The following COL4A2 variants were observed in gnomAD, a reference collection of about 807,000 sequenced individuals.
COL4A2 encodes the protein collagen alpha-2(IV) chain.
A neutral mutation model predicts 200.2 loss-of-function variants in COL4A2; 99 were observed. The ratio of observed to expected loss-of-function variants is 0.49; its 90% CI spans 0.42 to 0.58. The LOEUF is 0.58. Among genes scored for constraint, COL4A2 ranks in the 20% least tolerant of loss-of-function variants. The probability of loss-of-function intolerance (pLI) is 0.00; values close to 1 mark genes in which losing one functional copy is unlikely to be tolerated. For missense variants in COL4A2, 1,950 were observed against 2,314.1 expected (o/e 0.84, Z 3.23); for synonymous variants, 897 against 900.6 (o/e 1.00, Z 0.07).
Position 110,495,344 on chromosome 13 carries a change from T to G in COL4A2, c.3637T>G (p.Ser1213Ala), listed in dbSNP as rs750573579. The change falls in exon 40 of 48, where the codon TCT (serine) becomes GCT (alanine). Residue 1213 changes from serine to alanine, a missense_variant and splice_region_variant. This residue lies in a region of COL4A2 where 1,385 missense variants were observed against 1,720.5 expected (regional missense o/e 0.80). Transcript: ENST00000360467. ...GTKGFPGSPGSDIHGDPGFPG... is the reference protein window; with the variant it reads ...GTKGFPGSPGADIHGDPGFPG... ...CTGCTGTTATAACTCTTCCACAGGTTCTGACATCCACGGAGACCCAGGCTT... is the reference window on the plus strand; with the variant it reads ...CTGCTGTTATAACTCTTCCACAGGTGCTGACATCCACGGAGACCCAGGCTT... 6.2e-7 allele frequency: 1 copy of G among 1,614,162 alleles called. No homozygotes were observed. Among genetic ancestry groups the G allele is most frequent in the Non-Finnish European group, 8.5e-7 (1 of 1,180,020 alleles).
At chr13:110,367,102 T>A (rs541323451) in intron 4 of COL4A2, among the ~76,000 whole-genome samples, 2 of 152,226 alleles carry the variant, frequency 1.3e-5, no homozygotes, top group East Asian at 3.9e-4. Flanking sequence ...GCCAGACACC[T>A]CCCAGGAACC....
chr13:110,506,297 A>AGGCC, intron 45 of COL4A2, 118 bp from the exon 46 acceptor site: 1 of 1,051,974 alleles, frequency 9.5e-7, no homozygotes, highest in Non-Finnish European at 1.3e-6. Flanking sequence ...CAGGTGCACC[A>AGGCC]GGCCGTCCAC....
At chr13:110,429,821 C>A in intron 7 of COL4A2, 64 bp from the exon 8 acceptor site, 1 of 1,499,882 alleles carries the variant, frequency 6.7e-7, no homozygotes, top group Non-Finnish European at 9.3e-7. Flanking sequence ...ATTACCATAG[C>A]TGCACCGAAT....
At chr13:110,353,120 T>C (rs1427304678) in intron 3 of COL4A2, among the ~76,000 whole-genome samples, 2 of 152,342 alleles carry the variant, frequency 1.3e-5, no homozygotes, top group East Asian at 3.9e-4. Context: ...TTCATGAGCC[T>C]GTGATTGTTG....
chr13:110,403,987 G>A (rs1220546863), intron 4 of COL4A2, among the ~76,000 whole-genome samples: 2 of 152,136 alleles, frequency 1.3e-5, no homozygotes, highest in Non-Finnish European at 2.9e-5. Context: ...CATGACGGAA[G>A]GGACAACAGG....
Position 110,491,286 on chromosome 13 carries a change from G to T in COL4A2, c.3400G>T (p.Gly1134Trp). The change falls in exon 37 of 48, where the codon GGG becomes TGG. Residue 1134 changes from glycine to tryptophan, a missense_variant. Transcript: ENST00000360467. ...KGTEGDIGFP[G>W]ITGVTGVQGP... ...AACAGAAGGTGACATCGGCTTCCCT[G>T]GGATAACAGGCGTGACTGGAGTCCA... The T allele has an allele frequency of 6.2e-7, 1 of 1,600,462 alleles. No homozygotes were observed. Among genetic ancestry groups the T allele is most frequent in the East Asian group, 2.3e-5 (1 of 44,400 alleles).
chr13:110,410,314 C>T (rs1241217495), intron 4 of COL4A2, among the ~76,000 whole-genome samples: 1 of 152,224 alleles, frequency 6.6e-6, no homozygotes, highest in African/African-American at 2.4e-5. Flanking sequence ...TTGCCAAGCT[C>T]ATAATTCCAC....
chr13:110,437,918 G>A, intron 13 of COL4A2, 84 bp from the exon 14 acceptor site: 2 of 1,078,070 alleles, frequency 1.9e-6, no homozygotes, highest in Non-Finnish European at 2.9e-6. Flanking sequence ...AGTACTTTCA[G>A]CTCATGTCAT....
chr13:110,380,664 C>T (rs150508552), intron 4 of COL4A2, among the ~76,000 whole-genome samples: 31 of 151,728 alleles, frequency 2.0e-4, no homozygotes, highest in Admixed American at 1.8e-3. Context: ...CTCACACCCA[C>T]GGGCTCTATT....
chr13:110,448,313 C>G (rs1476896680), intron 18 of COL4A2, among the ~76,000 whole-genome samples: 1 of 152,156 alleles, frequency 6.6e-6, no homozygotes, highest in Non-Finnish European at 1.5e-5. Context: ...TCTCACCAAC[C>G]CCTCCCTTCT....
At chr13:110,366,015 ATTC>A (rs1877730112) in intron 4 of COL4A2, among the ~76,000 whole-genome samples, 1 of 152,218 alleles carries the variant, frequency 6.6e-6, no homozygotes, top group South Asian at 2.1e-4. Context: ...TCACAGTTCC[ATTC>A]TTCTTATAAA....
chr13:110,405,409 G>C (rs1174692249), intron 4 of COL4A2, among the ~76,000 whole-genome samples: 1 of 152,208 alleles, frequency 6.6e-6, no homozygotes, highest in Non-Finnish European at 1.5e-5. Context: ...AGGCCCACTA[G>C]TGGGTCCCGG....
chr13:110,384,312 A>G (rs1201682245), intron 4 of COL4A2, among the ~76,000 whole-genome samples: 1 of 152,192 alleles, frequency 6.6e-6, no homozygotes, highest in Non-Finnish European at 1.5e-5. Flanking sequence ...TACTTAAGGG[A>G]ATTTCGACAC....
chr13:110,393,935 C>T (rs1205801160), intron 4 of COL4A2, among the ~76,000 whole-genome samples: 1 of 152,008 alleles, frequency 6.6e-6, no homozygotes, highest in African/African-American at 2.4e-5. Context: ...TATCTTTGCC[C>T]AAAACATTAC....
chr13:110,362,083 G>A (rs1052728436), intron 4 of COL4A2, among the ~76,000 whole-genome samples: 9 of 152,216 alleles, frequency 5.9e-5, no homozygotes, highest in Non-Finnish European at 8.8e-5. Context: ...GAGGCTCTCC[G>A]GGATGCAGGG....
At chr13:110,334,905 C>T (rs557173204) in intron 3 of COL4A2, among the ~76,000 whole-genome samples, 1 of 152,304 alleles carries the variant, frequency 6.6e-6, no homozygotes, top group Non-Finnish European at 1.5e-5. Flanking sequence ...TGCTTCAGCC[C>T]TCGGTCTGAT....
chr13:110,419,243 T>A (rs758266316), intron 4 of COL4A2, among the ~76,000 whole-genome samples: 4 of 152,236 alleles, frequency 2.6e-5, no homozygotes, highest in Admixed American at 1.3e-4. Flanking sequence ...GATTTCCTAC[T>A]ATTCAGATTT....
At chr13:110,484,792 T>G in intron 32 of COL4A2, 113 bp from the exon 33 acceptor site, 1 of 1,414,338 alleles carries the variant, frequency 7.1e-7, no homozygotes, top group South Asian at 1.7e-5. Context: ...TCTCCAAGGC[T>G]TCCCTGCTTG....
intron 33 of COL4A2, 64 bp from the exon 34 acceptor site, chr13:110,485,591 T>C: frequency 1.5e-6 from 2 of 1,338,662 alleles, no homozygotes; most frequent in South Asian, 2.8e-5. Flanking sequence ...GGCTGCAAAA[T>C]TGAAAACTGG....
Sources: gnomAD v4.1 joint callset for allele counts (sites outside exome capture counted in the v4.1 genomes callset) on GRCh38, gnomAD v4.1.1 for gene constraint, gnomAD v4.1.1 regional missense constraint, MANE v1.5 for transcripts, NCBI Gene and HGNC (gene_info 2026-07-23, HGNC 2026-07-21) for gene names.